The following SEMA6D variants were observed in gnomAD, a reference collection of about 807,000 sequenced individuals.
SEMA6D encodes the protein semaphorin 6D.
SEMA6D carries 35 observed loss-of-function variants against 106.6 expected under a neutral mutation model. The observed-to-expected ratio is 0.33, with a 90% confidence interval of 0.25 to 0.44. The LOEUF (loss-of-function observed/expected upper bound fraction) is 0.44, where lower values mean the gene tolerates loss of function less well. Among genes scored for constraint, SEMA6D ranks in the 20% least tolerant of loss-of-function variants. The pLI is 1.00. For synonymous variants in SEMA6D, 499 were observed against 487.7 expected (o/e 1.02, Z -0.31); for missense variants, 1,185 against 1,345.9 (o/e 0.88, Z 1.87).
intron 3 of SEMA6D, among the ~76,000 whole-genome samples, chr15:47,485,453 A>G (rs890536946): frequency 6.6e-6 from 1 of 152,198 alleles, no homozygotes; most frequent in African/African-American, 2.4e-5. Flanking sequence ...GAAGATCACC[A>G]GGAACAGGCA....
intron 3 of SEMA6D, among the ~76,000 whole-genome samples, chr15:47,554,846 G>A (rs2045869946): frequency 6.6e-6 from 1 of 152,150 alleles, no homozygotes; most frequent in Non-Finnish European, 1.5e-5. Flanking sequence ...GGCGGTCTGT[G>A]TTCTCAGGGG....
intron 2 of SEMA6D, among the ~76,000 whole-genome samples, chr15:47,421,676 G>T (rs1567068013): frequency 6.6e-6 from 1 of 151,926 alleles, no homozygotes; most frequent in African/African-American, 2.4e-5. Context: ...GGATGGGGAG[G>T]TATTAGGAGA....
chr15:47,196,842 C>T (rs776466296), intron 1 of SEMA6D, among the ~76,000 whole-genome samples: 9 of 152,272 alleles, frequency 5.9e-5, no homozygotes, highest in Middle Eastern at 3.4e-3. Context: ...TCAATATACA[C>T]ATAATATCAA....
chr15:47,575,723 C>CAA lies in SEMA6D; in HGVS notation c.-86-25133_-86-25132dup, dbSNP rs142185669. Among the ~76,000 whole-genome samples, 863 of 145,620 alleles carry CAA rather than the reference C, an allele frequency of 5.9e-3. 9 individuals are homozygous for CAA. The highest frequency in any genetic ancestry group is 0.021 in the African/African-American group (826 of 40,080). On this transcript the variant is annotated intron_variant, in intron 3 of 19. Coordinates refer to the SEMA6D transcript ENST00000558014. The stretch of plus-strand genomic sequence containing the variant: ...AACAGAGCAAGACTCCATCTCAAAA[C>CAA]AAAAAAAAAAGAGAGAAGAAGTTGG...
At position 47,191,757 on chromosome 15, in the gene SEMA6D, A is replaced by G. The variant is rs913641026; in HGVS notation, c.-239+7339A>G. ...GCTATAATGAAGGGTGTATGTCTCA[A>G]TTTAGGAGATGGTATAGAAAAGCTT... On this transcript the variant is annotated intron_variant, in intron 1 of 19. Coordinates refer to the SEMA6D transcript ENST00000558014. Among the ~76,000 whole-genome samples, 6 of 152,190 alleles carry G rather than the reference A, an allele frequency of 3.9e-5. 1 individual carries two copies. Among genetic ancestry groups the G allele is most frequent in the South Asian group, 4.1e-4 (2 of 4,832 alleles).
intron 1 of SEMA6D, among the ~76,000 whole-genome samples, chr15:47,402,971 G>A (rs2040446431): frequency 6.6e-6 from 1 of 152,112 alleles, no homozygotes; most frequent in African/African-American, 2.4e-5. Flanking sequence ...ACTAGGGAGG[G>A]AAACATGCAG....
chr15:47,710,068 A>G (rs752094897), intron 4 of SEMA6D, among the ~76,000 whole-genome samples: 1 of 152,348 alleles, frequency 6.6e-6, no homozygotes, highest in Admixed American at 6.5e-5. Flanking sequence ...TGACTGGGCA[A>G]TTGGATAGCC....
chr15:47,552,794 A>ATG (rs2045747324), intron 3 of SEMA6D, among the ~76,000 whole-genome samples: 1 of 61,960 alleles, frequency 1.6e-5, no homozygotes, highest in Non-Finnish European at 2.8e-5. Context: ...ATATATTTTT[A>ATG]TATATATATA....
At chr15:47,228,166 A>G (rs2031935278) in intron 1 of SEMA6D, among the ~76,000 whole-genome samples, 1 of 143,748 alleles carries the variant, frequency 7.0e-6, no homozygotes, top group Non-Finnish European at 1.5e-5. Flanking sequence ...ACACACACAT[A>G]TATATATAAC....
intron 1 of SEMA6D, among the ~76,000 whole-genome samples, chr15:47,337,168 G>C (rs1046643254): frequency 1.3e-5 from 2 of 152,138 alleles, no homozygotes; most frequent in Non-Finnish European, 2.9e-5. Context: ...TCAGCAAGCA[G>C]ATATCCCCAT....
chr15:47,215,909 A>G (rs917008192), intron 1 of SEMA6D, among the ~76,000 whole-genome samples: 6 of 126,320 alleles, frequency 4.7e-5, no homozygotes, highest in African/African-American at 2.0e-4. Context: ...GGATCATTAC[A>G]AAGCTGTGGT....
Position 47,344,474 on chromosome 15 carries a change from G to T in SEMA6D, c.-238-67919G>T, listed in dbSNP as rs146987943. Among the ~76,000 whole-genome samples, 1,116 of 152,262 alleles carry T rather than the reference G, an allele frequency of 7.3e-3. 7 individuals carry two copies. The highest frequency in any genetic ancestry group is 0.048 in the East Asian group (248 of 5,174). On this transcript the variant is annotated intron_variant, in intron 1 of 19. Coordinates refer to the SEMA6D transcript ENST00000558014. ...CAAGGTAGGGCCTATGGGTGCTCCG[G>T]CTTACTCTTTGGAGAGTTTCCAGGC...
chr15:47,756,477 G>A (rs1166595972), intron 1 of SEMA6D, among the ~76,000 whole-genome samples: 1 of 152,122 alleles, frequency 6.6e-6, no homozygotes, highest in African/African-American at 2.4e-5. Context: ...ATCCTAAACA[G>A]AGCCTATGAA....
At chr15:47,614,597 A>G (rs563190760) in intron 4 of SEMA6D, among the ~76,000 whole-genome samples, 3 of 152,284 alleles carry the variant, frequency 2.0e-5, no homozygotes, top group African/African-American at 7.2e-5. Context: ...TGTCTTTTAC[A>G]CATCTATCTT....
At chr15:47,425,240 A>G (rs281226) in intron 2 of SEMA6D, among the ~76,000 whole-genome samples, 80,766 of 151,676 alleles carry the variant, frequency 0.53, 21,853 homozygotes, top group South Asian at 0.63. Context: ...CAAGACAATT[A>G]CATTATTTTG....
chr15:47,491,547 T>G (rs1207832044), intron 3 of SEMA6D, among the ~76,000 whole-genome samples: 1 of 152,170 alleles, frequency 6.6e-6, no homozygotes, highest in Non-Finnish European at 1.5e-5. Context: ...GAGATATTGC[T>G]TACTTCTTAG....
chr15:47,459,282 A>C (rs2042430533), intron 2 of SEMA6D, among the ~76,000 whole-genome samples: 1 of 152,032 alleles, frequency 6.6e-6, no homozygotes, highest in Non-Finnish European at 1.5e-5. Flanking sequence ...TTCAGACAAC[A>C]GCCTGTAGAA....
At chr15:47,288,576 A>G (rs957994493) in intron 1 of SEMA6D, among the ~76,000 whole-genome samples, 4 of 152,218 alleles carry the variant, frequency 2.6e-5, no homozygotes, top group East Asian at 1.9e-4. Flanking sequence ...CAGAATTTCT[A>G]TAATGGCCTT....
At chr15:47,519,519 AAAC>A (rs2044501582) in intron 3 of SEMA6D, among the ~76,000 whole-genome samples, 1 of 152,234 alleles carries the variant, frequency 6.6e-6, no homozygotes, top group Non-Finnish European at 1.5e-5. Context: ...TTTATTCCGT[AAAC>A]AACATCAGGA....
Sources: allele counts gnomAD v4.1 joint callset (sites outside exome capture counted in the v4.1 genomes callset), GRCh38; gene constraint gnomAD v4.1.1; transcripts MANE v1.5; gene names NCBI Gene and HGNC (gene_info 2026-07-23, HGNC 2026-07-21).